Variants in IGF1R observed in about 807,000 individuals in gnomAD.
IGF1R encodes insulin-like growth factor 1 receptor.
Under a neutral mutation model 144.6 loss-of-function variants are expected in IGF1R, and 44 were observed. That is an observed-to-expected ratio of 0.30 (90% confidence interval 0.24 to 0.39). IGF1R has a LOEUF of 0.39. Among genes scored for constraint, IGF1R ranks in the 10% least tolerant of loss-of-function variants. IGF1R has a pLI of 1.00. For missense variants in IGF1R, 1,355 were observed against 1,833.7 expected (o/e 0.74, Z 4.77); for synonymous variants, 795 against 722.8 (o/e 1.10, Z -1.60).
chr15:98,750,636 C>T (rs1441364505), intron 2 of IGF1R, among the ~76,000 whole-genome samples: 1 of 152,150 alleles, frequency 6.6e-6, no homozygotes, highest in Non-Finnish European at 1.5e-5. Flanking sequence ...CTAGCCTGGG[C>T]AACATTGGGA....
At chr15:98,910,274 A>C (rs1405687164) in intron 6 of IGF1R, among the ~76,000 whole-genome samples, 1 of 152,230 alleles carries the variant, frequency 6.6e-6, no homozygotes, top group Non-Finnish European at 1.5e-5. Context: ...GATGTATCCG[A>C]GTATTTCAGA....
At chr15:98,921,611 C>T (rs749617687) in intron 10 of IGF1R, among the ~76,000 whole-genome samples, 19 of 151,944 alleles carry the variant, frequency 1.3e-4, no homozygotes, top group African/African-American at 3.6e-4. Context: ...CCCTGGGGTC[C>T]GTGGAACTGC....
intron 2 of IGF1R, among the ~76,000 whole-genome samples, chr15:98,832,096 C>A (rs539310259): frequency 2.6e-5 from 4 of 152,270 alleles, no homozygotes; most frequent in African/African-American, 9.6e-5. Context: ...GGGTCTGGAT[C>A]CTTTTCTTTA....
intron 2 of IGF1R, among the ~76,000 whole-genome samples, chr15:98,871,969 C>G (rs1040896407): frequency 6.6e-6 from 1 of 152,102 alleles, no homozygotes; most frequent in African/African-American, 2.4e-5. Flanking sequence ...AACTTTTTTC[C>G]CTGTCTAAAA....
intron 6 of IGF1R, 145 bp from the exon 7 acceptor site, chr15:98,911,170 A>C (rs2014997810): frequency 1.0e-5 from 9 of 876,160 alleles, no homozygotes; most frequent in South Asian, 7.1e-5. Context: ...TCTTAGTGGA[A>C]AACGAGAAAG....
intron 2 of IGF1R, among the ~76,000 whole-genome samples, chr15:98,769,692 A>G (rs1459297094): frequency 6.6e-6 from 1 of 152,236 alleles, no homozygotes; most frequent in Non-Finnish European, 1.5e-5. Context: ...AGACCAGGAT[A>G]TGGAGGGGAC....
In IGF1R at chr15:98,704,487, G is replaced by A. The variant is rs1050425914; in HGVS notation, c.95-3075G>A. ...GATGGTGTTGGGACAGGGACGGACC[G>A]TGAGGAGGCTGGATCATGGGGAATG... On this transcript the variant is annotated intron_variant, in intron 1 of 20. Coordinates refer to ENST00000650285, the MANE Select transcript of IGF1R (RefSeq NM_000875.5). The surrounding 1 kb of genome is among the most constrained non-coding windows in gnomAD (Gnocchi z 4.9). 6.6e-6 allele frequency among the ~76,000 whole-genome samples: 1 copy of A among 152,144 alleles called. No individual in the cohort carries two copies. Among genetic ancestry groups the A allele is most frequent in the Non-Finnish European group, 1.5e-5 (1 of 68,028 alleles).
chr15:98,758,948 A>T (rs2055225928), intron 2 of IGF1R, among the ~76,000 whole-genome samples: 1 of 152,242 alleles, frequency 6.6e-6, no homozygotes, highest in Non-Finnish European at 1.5e-5. Context: ...CAGTTCTGAG[A>T]GTGGTGCTGC....
chr15:98,833,636 C>T (rs2141508859), intron 2 of IGF1R, among the ~76,000 whole-genome samples: 1 of 152,208 alleles, frequency 6.6e-6, no homozygotes, highest in South Asian at 2.1e-4. Flanking sequence ...ATCTTTAAGG[C>T]AATTATAAGC....
chr15:98,935,309 C>T lies in IGF1R; in HGVS notation c.3187-7C>T, dbSNP rs2151708469. 6.5e-7 allele frequency: 1 copy of T among 1,537,008 alleles called. No homozygotes were observed. Among genetic ancestry groups the T allele is most frequent in the Non-Finnish European group, 8.8e-7 (1 of 1,134,040 alleles). The stretch of plus-strand genomic sequence containing the variant: ...CTCTGAGTCTTTCTCTTTTTGATTC[C>T]TCCCAGGTGCGATTGCTGGGTGTGG... On this transcript the variant is annotated splice_region_variant and splice_polypyrimidine_tract_variant and intron_variant, in intron 16 of 20. Transcript: ENST00000650285. The surrounding 1 kb of genome is among the most constrained non-coding windows in gnomAD (Gnocchi z 4.2).
At chr15:98,653,660 G>A (rs926516832) in intron 1 of IGF1R, among the ~76,000 whole-genome samples, 2 of 152,194 alleles carry the variant, frequency 1.3e-5, no homozygotes, top group African/African-American at 4.8e-5. Context: ...GAAACTGTGT[G>A]CATTTATCCA....
rs114698971 is a variant in IGF1R at position 98,657,795 on chromosome 15, A to G, written c.94+8120A>G. Among the ~76,000 whole-genome samples the G allele has an allele frequency of 9.8e-3, 1,499 of 152,316 alleles. 22 individuals are homozygous for G. The highest frequency in any genetic ancestry group is 0.034 in the African/African-American group (1,421 of 41,566). On this transcript the variant is annotated intron_variant, in intron 1 of 20. Coordinates refer to ENST00000650285, the MANE Select transcript of IGF1R (RefSeq NM_000875.5). ...GCAACAGAGATTGGCTCAGGATGGA[A>G]TTTGTTCAGTTTCAGTTCTGCAGCC... is the stretch of plus-strand genomic sequence containing the variant.
intron 2 of IGF1R, among the ~76,000 whole-genome samples, chr15:98,786,734 G>A (rs2056006846): frequency 6.6e-6 from 1 of 152,098 alleles, no homozygotes; most frequent in African/African-American, 2.4e-5. Context: ...AGAATAGTTT[G>A]GGGAGGACAT....
intron 2 of IGF1R, among the ~76,000 whole-genome samples, chr15:98,778,865 C>G (rs1405076624): frequency 1.3e-5 from 2 of 152,174 alleles, no homozygotes; most frequent in Non-Finnish European, 2.9e-5. Flanking sequence ...CTTTGGAAGT[C>G]AGCATATGCA....
intron 2 of IGF1R, among the ~76,000 whole-genome samples, chr15:98,718,586 G>A (rs2054175834): frequency 3.9e-5 from 6 of 152,232 alleles, no homozygotes; most frequent in Admixed American, 3.9e-4. Context: ...CTGGGGAGGA[G>A]GGCCCAGCTG....
chr15:98,930,430 C>A, intron 15 of IGF1R, 125 bp downstream of exon 15: 1 of 660,296 alleles, frequency 1.5e-6, no homozygotes, highest in Non-Finnish European at 2.7e-6. Flanking sequence ...GGCCTTGGAT[C>A]TGTCTTCATT....
At chr15:98,874,400 A>G (rs2012945378) in intron 2 of IGF1R, among the ~76,000 whole-genome samples, 1 of 152,246 alleles carries the variant, frequency 6.6e-6, no homozygotes, top group South Asian at 2.1e-4. Flanking sequence ...CAGTTTCAGA[A>G]TTGGAAATTG....
Position 98,961,996 on chromosome 15 carries a change from T to G in IGF1R, c.*4554T>G, listed in dbSNP as rs760634666. 8.6e-6 allele frequency: 2 copies of G among 233,230 alleles called. No individual in the cohort carries two copies. Among genetic ancestry groups the G allele is most frequent in the African/African-American group, 4.4e-5 (2 of 45,358 alleles). The allele number at this position is 233,230 out of a possible 1,614,324, so 14.4% of individuals were successfully genotyped here. A position where few individuals can be genotyped will look rare whatever the true frequency, so the allele number is the denominator to read the frequency against. On this transcript the variant is annotated 3_prime_UTR_variant, in exon 21 of 21. Transcript: ENST00000650285. ...TTGGGGTGCTTTGGGATAAAAGATT[T>G]ATGAGCCAACTATTCTCTGGCACCA...
intron 2 of IGF1R, among the ~76,000 whole-genome samples, chr15:98,846,160 T>A (rs1327190656): frequency 6.6e-6 from 1 of 152,222 alleles, no homozygotes; most frequent in South Asian, 2.1e-4. Flanking sequence ...AGTTGCTCTT[T>A]CAAATGGCTT....
Sources: gnomAD v4.1 joint callset for allele counts (sites outside exome capture counted in the v4.1 genomes callset) on GRCh38, gnomAD v4.1.1 for gene constraint, Gnocchi (gnomAD v3.1) non-coding constraint, MANE v1.5 for transcripts, NCBI Gene and HGNC (gene_info 2026-07-23, HGNC 2026-07-21) for gene names.